Variants in YME1L1 observed in about 807,000 individuals in gnomAD.
YME1L1 encodes YME1 like 1 ATPase.
A neutral mutation model predicts 90.4 loss-of-function variants in YME1L1; 39 were observed. That is an observed-to-expected ratio of 0.43 (90% CI 0.33 to 0.56). The LOEUF (loss-of-function observed/expected upper bound fraction) is 0.56, where lower values mean the gene tolerates loss of function less well. Among genes scored for constraint, YME1L1 ranks in the 20% least tolerant of loss-of-function variants. The pLI is 0.03. For synonymous variants in YME1L1, 284 were observed against 287.3 expected (o/e 0.99, Z 0.12); for missense variants, 617 against 868.4 (o/e 0.71, Z 3.64).
intron 11 of YME1L1, 75 bp downstream of exon 11, chr10:27,122,766 G>C (rs2056879790): frequency 4.5e-6 from 7 of 1,561,528 alleles, no homozygotes; most frequent in Middle Eastern, 1.7e-4. Flanking sequence ...GAAATAATTT[G>C]CATAAGATCA....
At chr10:27,151,901 A>AT (rs201118219) in intron 1 of YME1L1, among the ~76,000 whole-genome samples, 1,803 of 151,988 alleles carry the variant, frequency 0.012, 22 homozygotes, top group South Asian at 0.033. Context: ...AAAAATTAAA[A>AT]TAAAAAAAAG....
chr10:27,137,362 G>A lies in YME1L1; in HGVS notation c.431-977C>T, dbSNP rs967319910. 5.3e-5 allele frequency among the ~76,000 whole-genome samples: 8 copies of A among 152,102 alleles called. No homozygotes were observed. The East Asian group carries it at 9.6e-4, about 18-fold the overall frequency. On this transcript the variant is annotated intron_variant, in intron 4 of 18. Transcript: ENST00000376016. ...TTACACTTTTCCAATTTATCACAGT[G>A]CAATTCATTCAACCATTTCCCTGAA...
chr10:27,142,386 C>G lies in YME1L1; in HGVS notation c.430+1G>C. ...CACAATTTATGGTTGTTGCTTCATA[C>G]CTGGCCAGTACTGAAGATCTGAACA... On this transcript the variant is annotated splice_donor_variant, in intron 4 of 18. Coordinates refer to ENST00000376016, the MANE Select transcript of YME1L1 (RefSeq NM_014263.4). LOFTEE classifies it high-confidence loss of function. 6.9e-7 allele frequency: 1 copy of G among 1,441,728 alleles called. No individual in the cohort carries two copies. The highest frequency in any genetic ancestry group is 9.2e-7 in the Non-Finnish European group (1 of 1,088,966). The allele number at this position is 1,441,728 out of a possible 1,614,324, so 89.3% of individuals were successfully genotyped here.
Position 27,147,256 on chromosome 10 carries a change from G to T in YME1L1, c.168+1650C>A, listed in dbSNP as rs2057153464. 3 of 642,032 alleles carry T rather than the reference G, an allele frequency of 4.7e-6. No individual in the cohort carries two copies. In the Admixed American group the frequency reaches 8.7e-5, roughly 19 times the overall value. The allele number at this position is 642,032 out of a possible 1,614,324, so 39.8% of individuals were successfully genotyped here. Reference sequence around the variant, plus strand: ...GCCTGTAATCCCAACACTTTTGAGAGGCTGAGGTGGGAGGACTGCTTCAGG... The same window carrying T: ...GCCTGTAATCCCAACACTTTTGAGATGCTGAGGTGGGAGGACTGCTTCAGG... On this transcript the variant is annotated intron_variant, in intron 2 of 18. Transcript: ENST00000376016.
chr10:27,135,366 G>A (rs1182643211), intron 5 of YME1L1, among the ~76,000 whole-genome samples: 1 of 152,130 alleles, frequency 6.6e-6, no homozygotes, highest in African/African-American at 2.4e-5. Flanking sequence ...AAGTTCTGAA[G>A]ATGTAAAGAT....
chr10:27,132,070 T>G, intron 7 of YME1L1, 129 bp from the exon 8 acceptor site: 1 of 657,270 alleles, frequency 1.5e-6, no homozygotes, highest in Non-Finnish European at 2.6e-6. Flanking sequence ...ACATATCAAA[T>G]CAGAGTGAGG....
At chr10:27,134,695 T>C (rs2057009057) in intron 6 of YME1L1, 136 bp downstream of exon 6, 3 of 894,276 alleles carry the variant, frequency 3.4e-6, no homozygotes, top group Non-Finnish European at 3.3e-6. Flanking sequence ...TCGCCATTTC[T>C]ACATAGATTA....
In YME1L1 at chr10:27,134,844, T is replaced by C; in HGVS notation, c.678A>G (p.Thr226=). The change falls in exon 6 of 19, where the codon ACA becomes ACG. Residue 226 remains threonine, a synonymous_variant. Coordinates refer to ENST00000376016, the MANE Select transcript of YME1L1 (RefSeq NM_014263.4). ...AEGFLKAQAL[T]QKTNDSLRRT... Reference sequence around the variant, plus strand: ...AATTCAACTTACCATTGGTTTTTTGTGTGAGTGCTTGAGCTTTCAGAAAAC... The same window carrying C: ...AATTCAACTTACCATTGGTTTTTTGCGTGAGTGCTTGAGCTTTCAGAAAAC... 1 of 1,613,980 alleles carries C rather than the reference T, an allele frequency of 6.2e-7. No individual in the cohort carries two copies. Among genetic ancestry groups the C allele is most frequent in the African/African-American group, 1.3e-5 (1 of 75,046 alleles).
intron 1 of YME1L1, among the ~76,000 whole-genome samples, chr10:27,153,899 T>C (rs944132114): frequency 6.6e-6 from 1 of 152,088 alleles, no homozygotes; most frequent in African/African-American, 2.4e-5. Context: ...GGACGGATTC[T>C]CTAGCAGAAA....
chr10:27,113,248 A>C (rs201795175), intron 18 of YME1L1, among the ~76,000 whole-genome samples: 1 of 118,672 alleles, frequency 8.4e-6, no homozygotes, highest in Non-Finnish European at 1.9e-5. Flanking sequence ...AAAAAAAAAA[A>C]AAAAAAAAAA....
At chr10:27,139,773 CAATTTTAA>C (rs1430631697) in intron 4 of YME1L1, among the ~76,000 whole-genome samples, 1 of 152,172 alleles carries the variant, frequency 6.6e-6, no homozygotes, top group Non-Finnish European at 1.5e-5. Flanking sequence ...TACTACCTTG[CAATTTTAA>C]AACCTTCACA....
intron 1 of YME1L1, among the ~76,000 whole-genome samples, chr10:27,153,776 G>A (rs538879311): frequency 8.4e-4 from 128 of 152,274 alleles, no homozygotes; most frequent in Non-Finnish European, 1.6e-3. Flanking sequence ...GGGGATAGGG[G>A]CTGTGAACAC....
Position 27,140,987 on chromosome 10 carries a change from T to C in YME1L1, c.430+1400A>G, listed in dbSNP as rs554626794. ...GTCTTCTTCTGTCTTCTGCATTAAC[T>C]ATTTCTTTAGAGGGTTATTAGTCTC... On this transcript the variant is annotated intron_variant, in intron 4 of 18. Coordinates refer to ENST00000376016, the MANE Select transcript of YME1L1 (RefSeq NM_014263.4). Among the ~76,000 whole-genome samples, 3 of 152,354 alleles carry C rather than the reference T, an allele frequency of 2.0e-5. No homozygotes were observed. In the East Asian group the frequency reaches 5.8e-4, roughly 29 times the overall value.
chr10:27,139,790 C>T (rs2057067073), intron 4 of YME1L1, among the ~76,000 whole-genome samples: 1 of 152,168 alleles, frequency 6.6e-6, no homozygotes, highest in Non-Finnish European at 1.5e-5. Context: ...AAAACCTTCA[C>T]ATATCCATGG....
chr10:27,119,829 A>T (rs2056848816), intron 13 of YME1L1, among the ~76,000 whole-genome samples: 1 of 152,056 alleles, frequency 6.6e-6, no homozygotes, highest in Non-Finnish European at 1.5e-5. Context: ...ACCAAAAAAA[A>T]AAAACACCTC....
intron 4 of YME1L1, among the ~76,000 whole-genome samples, chr10:27,137,798 T>C (rs1036919505): frequency 6.6e-6 from 1 of 152,172 alleles, no homozygotes; most frequent in Non-Finnish European, 1.5e-5. Context: ...TTTCCATTTT[T>C]ATTTAGATAA....
At chr10:27,133,647 G>C (rs1002896107) in intron 7 of YME1L1, among the ~76,000 whole-genome samples, 2 of 152,002 alleles carry the variant, frequency 1.3e-5, no homozygotes, top group Admixed American at 6.6e-5. Context: ...TTGGAACCAC[G>C]TAAGTCTGAC....
At chr10:27,153,687 A>G (rs550449240) in intron 1 of YME1L1, among the ~76,000 whole-genome samples, 171 of 152,362 alleles carry the variant, frequency 1.1e-3, no homozygotes, top group African/African-American at 3.9e-3. Context: ...TGAGAAAAAA[A>G]CTTGCATGGC....
At chr10:27,112,229 T>C in intron 18 of YME1L1, 109 bp from the exon 19 acceptor site, 1 of 933,528 alleles carries the variant, frequency 1.1e-6, no homozygotes, top group Non-Finnish European at 1.6e-6. Flanking sequence ...ATGAAATCTG[T>C]TTATATTTAT....
Sources: gnomAD v4.1 joint callset for allele counts (sites outside exome capture counted in the v4.1 genomes callset) on GRCh38, gnomAD v4.1.1 for gene constraint, MANE v1.5 for transcripts, NCBI Gene and HGNC (gene_info 2026-07-23, HGNC 2026-07-21) for gene names.